GPR19: variants seen among roughly 807,000 people sequenced by gnomAD.
The protein encoded by GPR19 is probable G protein-coupled receptor 19.
A neutral mutation model predicts 28.5 loss-of-function variants in GPR19; 14 were observed. The ratio of observed to expected loss-of-function variants is 0.49; its 90% confidence interval spans 0.32 to 0.77. The LOEUF is 0.77. Ranked by LOEUF, GPR19 falls within the 30% of genes least tolerant of loss-of-function variation. The pLI is 0.03. For synonymous variants in GPR19, 173 were observed against 184.1 expected (o/e 0.94, Z 0.49); for missense variants, 409 against 504.1 (o/e 0.81, Z 1.81).
In GPR19 at chr12:12,661,804, G is replaced by C. The variant is rs4763861; in HGVS notation, c.645C>G (p.Pro215=). 1 of 1,613,934 alleles carries C rather than the reference G, an allele frequency of 6.2e-7. No homozygotes were observed. Among genetic ancestry groups the C allele is most frequent in the Non-Finnish European group, 8.5e-7 (1 of 1,180,008 alleles). The stretch of plus-strand genomic sequence containing the variant: ...TGTAGGCAGTGCCTTCCCAAGAGGA[G>C]GGGAGGAAATAGTTACAATGACTGT... ...NWDSHCNYFL[P]SSWEGTAYTV... The change falls in exon 4 of 4, where the codon CCC becomes CCG. Residue 215 remains proline, a synonymous_variant. Coordinates refer to ENST00000651487, the MANE Select transcript of GPR19 (RefSeq NM_006143.3). The surrounding 1 kb of genome is among the most constrained non-coding windows in gnomAD (Gnocchi z 4.2).
chr12:12,712,111 A>T, the GPR19 span, among the ~76,000 whole-genome samples: 4 of 152,214 alleles, frequency 2.6e-5, no homozygotes, highest in Admixed American at 2.0e-4. Context: ...GAAGCACCAT[A>T]TAAAAAGCAT....
At chr12:12,711,672 C>T in the GPR19 span, among the ~76,000 whole-genome samples, 3 of 152,096 alleles carry the variant, frequency 2.0e-5, no homozygotes, top group Admixed American at 6.5e-5. Context: ...ATCCATCAGT[C>T]GCTTGAGAGA....
chr12:12,709,698 C>G, the GPR19 span, among the ~76,000 whole-genome samples: 1 of 152,170 alleles, frequency 6.6e-6, no homozygotes, highest in South Asian at 2.1e-4. Context: ...CTCAACCTCC[C>G]AAAGTGTTGG....
At chr12:12,693,394 A>C (rs1295316069) in intron 2 of GPR19, among the ~76,000 whole-genome samples, 3 of 152,182 alleles carry the variant, frequency 2.0e-5, no homozygotes, top group Non-Finnish European at 4.4e-5. Context: ...GAGGTATTGC[A>C]GGTTGTAAAG....
At chr12:12,694,341 G>A (rs1450615439) in intron 2 of GPR19, among the ~76,000 whole-genome samples, 2 of 151,250 alleles carry the variant, frequency 1.3e-5, no homozygotes, top group Non-Finnish European at 2.9e-5. Context: ...TGGGTCTACA[G>A]GTGCCCACCA....
chr12:12,673,855 T>G (rs1945891705), intron 3 of GPR19, among the ~76,000 whole-genome samples: 1 of 152,158 alleles, frequency 6.6e-6, no homozygotes, highest in South Asian at 2.1e-4. Context: ...ATATGCCATT[T>G]TTTTTAACCC....
At chr12:12,707,686 A>C in the GPR19 span, among the ~76,000 whole-genome samples, 1 of 152,206 alleles carries the variant, frequency 6.6e-6, no homozygotes, top group Non-Finnish European at 1.5e-5. Context: ...TGGATTGGTA[A>C]TAAATATGTT....
intron 3 of GPR19, among the ~76,000 whole-genome samples, chr12:12,668,679 G>GGA (rs1555176771): frequency 2.0e-5 from 3 of 147,096 alleles, no homozygotes; most frequent in Admixed American, 6.8e-5. Context: ...TGATTTGGTT[G>GGA]AAAAAAAAAA....
At chr12:12,679,807 A>C (rs1318205580) in intron 3 of GPR19, among the ~76,000 whole-genome samples, 2 of 152,160 alleles carry the variant, frequency 1.3e-5, no homozygotes, top group Non-Finnish European at 2.9e-5. Flanking sequence ...GTCACTTATA[A>C]TCTGTGTAGC....
At chr12:12,696,339 C>CTTTTTTTT (rs578240364), upstream of GPR19, 1 of 88,660 alleles carries the variant, frequency 1.1e-5, no homozygotes, top group Non-Finnish European at 2.2e-5. Flanking sequence ...CCCACCCGCC[C>CTTTTTTTT]TTTTTTTTTT....
At chr12:12,664,182 G>A (rs925801276) in intron 3 of GPR19, among the ~76,000 whole-genome samples, 1 of 152,038 alleles carries the variant, frequency 6.6e-6, no homozygotes, top group African/African-American at 2.4e-5. Flanking sequence ...TAGAGACCGG[G>A]TTTCCCCACG....
At chr12:12,684,788 T>C (rs2136332031) in intron 2 of GPR19, 1 of 152,264 alleles carries the variant, frequency 6.6e-6, no homozygotes, top group Admixed American at 6.5e-5. Context: ...CAAACCTCCT[T>C]CCTTCTCTAT....
At chr12:12,703,418 A>G in the GPR19 span, 7 of 985,406 alleles carry the variant, frequency 7.1e-6, no homozygotes, top group Non-Finnish European at 8.4e-6. Context: ...ATAGGACATG[A>G]AAAGCCAAAC....
chr12:12,661,656 T>G lies in GPR19; in HGVS notation c.793A>C (p.Asn265His). 1 of 1,611,476 alleles carries G rather than the reference T, an allele frequency of 6.2e-7. No individual in the cohort carries two copies. Among genetic ancestry groups the G allele is most frequent in the Non-Finnish European group, 8.5e-7 (1 of 1,177,526 alleles). ...TDGRTVRRTM[N>H]IVPRTKVKTI... ...TTCACTTTTGTCCGAGGGACAATGT[T>G]CATTGTCCTCCTCACCGTTCGGCCA... Residue 265 changes from asparagine to histidine, a missense_variant, in exon 4 of 4, where the codon AAC (asparagine) becomes CAC (histidine). Physicochemically the swap from Asn to His is moderately conservative, Grantham distance 68 (BLOSUM62 1). Transcript: ENST00000651487. This position sits in a 1 kb window ranked among gnomAD's most constrained non-coding sequence, Gnocchi z 4.2.
At chr12:12,696,773 C>T (rs1423323719), upstream of GPR19, among the ~76,000 whole-genome samples, 1 of 152,166 alleles carries the variant, frequency 6.6e-6, no homozygotes, top group Non-Finnish European at 1.5e-5. Flanking sequence ...GCTCCCTTGA[C>T]GTGTAATTCG....
chr12:12,710,582 C>T, the GPR19 span, among the ~76,000 whole-genome samples: 1 of 152,150 alleles, frequency 6.6e-6, no homozygotes, highest in African/African-American at 2.4e-5. Flanking sequence ...GAGTCTCCCT[C>T]TGTTGCCCAG....
chr12:12,694,809 TCC>T (rs1946239088), intron 2 of GPR19, among the ~76,000 whole-genome samples: 4 of 152,214 alleles, frequency 2.6e-5, no homozygotes, highest in Non-Finnish European at 5.9e-5. Context: ...AGCTGGATGA[TCC>T]CACTCCCTAA....
At chr12:12,716,844 G>A in the GPR19 span, 2 of 983,734 alleles carry the variant, frequency 2.0e-6, no homozygotes, top group Non-Finnish European at 2.4e-6. Context: ...CGGCGGGGGG[G>A]CGCCCAGCCC....
upstream of GPR19, among the ~76,000 whole-genome samples, chr12:12,697,489 A>C (rs1360364214): frequency 1.3e-5 from 2 of 152,220 alleles, no homozygotes; most frequent in African/African-American, 4.8e-5. Context: ...GATTCAGCCA[A>C]ACCTGGATCA....
Sources: allele counts gnomAD v4.1 joint callset (sites outside exome capture counted in the v4.1 genomes callset), GRCh38; gene constraint gnomAD v4.1.1; non-coding constraint Gnocchi (gnomAD v3.1); transcripts MANE v1.5; gene names NCBI Gene and HGNC (gene_info 2026-07-23, HGNC 2026-07-21).